DHX8: variants seen among roughly 807,000 people sequenced by gnomAD.
The protein encoded by DHX8 is DEAH-box helicase 8.
Under a neutral mutation model 140.7 loss-of-function variants are expected in DHX8, and 67 were observed. The ratio of observed to expected loss-of-function variants is 0.48; its 90% confidence interval spans 0.39 to 0.58. The LOEUF is 0.58. Ranked by LOEUF, DHX8 falls within the 20% of genes least tolerant of loss-of-function variation. The pLI, the probability that DHX8 is intolerant of heterozygous loss-of-function variation, is 0.00. For missense variants in DHX8, 887 were observed against 1,550.7 expected, an observed-to-expected ratio of 0.57 and a Z score of 7.19; for synonymous variants, 533 against 553.2, an observed-to-expected ratio of 0.96 and a Z score of 0.51.
At chr17:43,538,067 G>C (rs1043968689) in intron 3 of DHX8, among the ~76,000 whole-genome samples, 1 of 151,764 alleles carries the variant, frequency 6.6e-6, no homozygotes, top group African/African-American at 2.4e-5. Context: ...CGTGAACCTG[G>C]GAGGCGGAGC....
chr17:43,509,484 ATTT>A (rs555156200), intron 16 of DHX8, among the ~76,000 whole-genome samples: 4 of 135,576 alleles, frequency 3.0e-5, no homozygotes, highest in Admixed American at 7.4e-5. Flanking sequence ...CCTCCCACTT[ATTT>A]TTTTTTTTTT....
chr17:43,531,448 G>C (rs1378102487), downstream of DHX8, among the ~76,000 whole-genome samples: 4 of 152,164 alleles, frequency 2.6e-5, no homozygotes, highest in Non-Finnish European at 5.9e-5. Context: ...CCTCTGGCCA[G>C]GGCATACATC....
At chr17:43,539,306 T>C (rs1257754695) in intron 3 of DHX8, among the ~76,000 whole-genome samples, 3 of 152,176 alleles carry the variant, frequency 2.0e-5, no homozygotes, top group Non-Finnish European at 4.4e-5. Flanking sequence ...AGATGCTTTC[T>C]TGCCTTTTTC....
downstream of DHX8, chr17:43,528,871 G>T: frequency 1.3e-6 from 1 of 754,850 alleles, no homozygotes; most frequent in Non-Finnish European, 2.2e-6. Flanking sequence ...TCTCTCCCAT[G>T]CTGGTTCCTG....
At chr17:43,528,583 G>A (rs748064563), downstream of DHX8, 3 of 1,614,102 alleles carry the variant, frequency 1.9e-6, no homozygotes, top group South Asian at 1.1e-5. Flanking sequence ...TGGGAGGTAG[G>A]CGGGGCTCTC....
Position 43,533,434 on chromosome 17 carries a change from C to T in DHX8, c.351-2978C>T, listed in dbSNP as rs1042824541. 8 of 1,282,138 alleles carry T rather than the reference C, an allele frequency of 6.2e-6. No homozygotes were observed. In the African/African-American group the frequency reaches 1.0e-4, roughly 16 times the overall value. The allele number at this position is 1,282,138 out of a possible 1,614,324, so 79.4% of individuals were successfully genotyped here. On this transcript the variant is annotated intron_variant, in intron 2 of 3. Coordinates refer to the DHX8 transcript ENST00000589898. ...CTTCATTCCTAGGAAAGCGAGGTCA[C>T]AGGGATTACAGGAGAAGGAAGGATA...
chr17:43,532,632 AC>A, intron 2 of DHX8: 1 of 1,560,718 alleles, frequency 6.4e-7, no homozygotes, highest in South Asian at 1.2e-5. Context: ...GCTTAACTGA[AC>A]ACTTGATCAC....
intron 2 of DHX8, among the ~76,000 whole-genome samples, chr17:43,536,070 C>A (rs1971228557): frequency 6.6e-6 from 1 of 152,188 alleles, no homozygotes; most frequent in African/African-American, 2.4e-5. Flanking sequence ...GAGATTGTGC[C>A]ACTGCACTCC....
At chr17:43,522,532 C>T (rs1299815185) in intron 22 of DHX8, among the ~76,000 whole-genome samples, 2 of 148,472 alleles carry the variant, frequency 1.3e-5, no homozygotes, top group Non-Finnish European at 3.0e-5. Context: ...GCAGATCAGC[C>T]GAGGTCGGGA....
At chr17:43,544,197 C>T (rs754696823) in exon 4 of DHX8, 19 of 152,662 alleles carry the variant, frequency 1.2e-4, no homozygotes, top group Non-Finnish European at 2.1e-4. Context: ...CACCAAAACG[C>T]ACTGAAGAAT....
chr17:43,542,664 A>G (rs550007212), intron 3 of DHX8, among the ~76,000 whole-genome samples: 2 of 151,988 alleles, frequency 1.3e-5, no homozygotes, highest in Admixed American at 6.6e-5. Context: ...ATAAAGCCGC[A>G]CTCACACTCA....
At position 43,497,159 on chromosome 17, in the gene DHX8, C is replaced by T. The variant is rs143465329; in HGVS notation, c.1300+891C>T. ...GGCTTTTCTTTAGTTTTACCATCTA[C>T]GTATCTATCCCTAAACATTATATTG... is the stretch of plus-strand genomic sequence containing the variant. On this transcript the variant is annotated intron_variant, in intron 9 of 22. Coordinates refer to ENST00000262415, the MANE Select transcript of DHX8 (RefSeq NM_004941.3). 1.3e-3 allele frequency among the ~76,000 whole-genome samples: 198 copies of T among 152,246 alleles called. 1 individual carries two copies. The highest frequency in any genetic ancestry group is 4.4e-3 in the African/African-American group (184 of 41,544).
intron 18 of DHX8, chr17:43,518,937 A>G (rs977245019): frequency 6.6e-6 from 1 of 152,178 alleles, no homozygotes; most frequent in African/African-American, 2.4e-5. Context: ...CATTTATTTC[A>G]TTCCTTTCTA....
downstream of DHX8, chr17:43,526,732 CCTT>C (rs976707047): frequency 1.5e-5 from 21 of 1,397,506 alleles, no homozygotes; most frequent in African/African-American, 1.9e-4. Context: ...GATTTTTACA[CCTT>C]CTTCCCACCA....
intron 3 of DHX8, among the ~76,000 whole-genome samples, chr17:43,538,350 G>C (rs1971351755): frequency 6.6e-6 from 1 of 152,118 alleles, no homozygotes; most frequent in South Asian, 2.1e-4. Flanking sequence ...CAGTGGGAGA[G>C]CAGGAGGCTG....
At chr17:43,500,193 A>C in intron 11 of DHX8, 90 bp downstream of exon 11, 1 of 1,455,360 alleles carries the variant, frequency 6.9e-7, no homozygotes. Flanking sequence ...CACACTAAAA[A>C]TTTACCCTTG....
chr17:43,540,731 A>G (rs1971477013), intron 3 of DHX8, among the ~76,000 whole-genome samples: 1 of 152,124 alleles, frequency 6.6e-6, no homozygotes, highest in South Asian at 2.1e-4. Context: ...CTGCCCAGGG[A>G]TGCAAAGCCA....
At chr17:43,534,633 T>C (rs956285575) in intron 2 of DHX8, among the ~76,000 whole-genome samples, 5 of 152,126 alleles carry the variant, frequency 3.3e-5, no homozygotes, top group African/African-American at 9.7e-5. Context: ...TGTTTTCTTA[T>C]TTGAGGATAT....
downstream of DHX8, among the ~76,000 whole-genome samples, chr17:43,530,983 A>G (rs1970900522): frequency 6.6e-6 from 1 of 152,132 alleles, no homozygotes; most frequent in Admixed American, 6.5e-5. Context: ...GTTCAAGGGC[A>G]TGTAACACAA....
Sources: gnomAD v4.1 joint callset for allele counts (sites outside exome capture counted in the v4.1 genomes callset) on GRCh38, gnomAD v4.1.1 for gene constraint, MANE v1.5 for transcripts, NCBI Gene and HGNC (gene_info 2026-07-23, HGNC 2026-07-21) for gene names.